The following PRIM2 variants were observed in gnomAD, a reference collection of about 807,000 sequenced individuals.
The protein encoded by PRIM2 is DNA primase subunit 2.
PRIM2 carries 39 observed loss-of-function variants against 67.3 expected under a neutral mutation model. That is an observed-to-expected ratio of 0.58 (90% CI 0.45 to 0.76). PRIM2 has a LOEUF of 0.76. PRIM2 is among the 30% of genes least tolerant of loss of function. The probability of loss-of-function intolerance (pLI) is 0.00; values close to 1 mark genes in which losing one functional copy is unlikely to be tolerated. For synonymous variants in PRIM2, 143 were observed against 198.7 expected, an observed-to-expected ratio of 0.72 and a Z score of 2.36; for missense variants, 398 against 598.7, an observed-to-expected ratio of 0.66 and a Z score of 3.50.
chr6:57,628,492 T>A (rs1388593698), intron 12 of PRIM2, among the ~76,000 whole-genome samples: 1 of 152,240 alleles, frequency 6.6e-6, no homozygotes, highest in Non-Finnish European at 1.5e-5. Flanking sequence ...AATACGTTTT[T>A]AAAAATTTTT....
At chr6:57,600,358 AT>A (rs2127491249) in intron 10 of PRIM2, among the ~76,000 whole-genome samples, 1 of 150,544 alleles carries the variant, frequency 6.6e-6, no homozygotes, top group African/African-American at 2.4e-5. Flanking sequence ...TATTATTATT[AT>A]TATTATTATT....
chr6:57,234,147 G>A, the PRIM2 span, among the ~76,000 whole-genome samples: 3 of 152,306 alleles, frequency 2.0e-5, no homozygotes, highest in South Asian at 6.2e-4. Flanking sequence ...AGGCAGGAAT[G>A]GAGGTAAGGG....
the PRIM2 span, among the ~76,000 whole-genome samples, chr6:57,223,570 G>A: frequency 6.6e-6 from 1 of 152,218 alleles, no homozygotes; most frequent in South Asian, 2.1e-4. Flanking sequence ...TTATCTCTAG[G>A]ATTTGGTTGG....
At chr6:57,554,668 T>G (rs1255281307) in intron 10 of PRIM2, among the ~76,000 whole-genome samples, 1 of 152,246 alleles carries the variant, frequency 6.6e-6, no homozygotes, top group East Asian at 1.9e-4. Flanking sequence ...TAGGAAAGAA[T>G]GCTCTGCACC....
intron 7 of PRIM2, among the ~76,000 whole-genome samples, chr6:57,428,790 T>C (rs2127377543): frequency 6.6e-6 from 1 of 152,338 alleles, no homozygotes; most frequent in East Asian, 1.9e-4. Flanking sequence ...AGAGTTTCAA[T>C]TGTACCTCCC....
chr6:57,446,784 G>C (rs1772381906), intron 7 of PRIM2, among the ~76,000 whole-genome samples: 1 of 152,110 alleles, frequency 6.6e-6, no homozygotes, highest in Non-Finnish European at 1.5e-5. Context: ...GAGTCAGCTG[G>C]CCATCTCCAT....
rs1476110549 is a variant in PRIM2 at position 57,372,358 on chromosome 6, C to G, written c.460-7543C>G. Among the ~76,000 whole-genome samples, 3 of 152,278 alleles carry G rather than the reference C, an allele frequency of 2.0e-5. No homozygotes were observed. In the East Asian group the frequency reaches 5.8e-4, roughly 29 times the overall value. On this transcript the variant is annotated intron_variant, in intron 5 of 13. Coordinates refer to ENST00000615550, the MANE Select transcript of PRIM2 (RefSeq NM_000947.5). ...TTGGAAATCCAGTTTGGTTTCTACT[C>G]ATATTAATTAGCTATAAAACTAGGA... is the stretch of plus-strand genomic sequence containing the variant.
intron 10 of PRIM2, among the ~76,000 whole-genome samples, chr6:57,598,970 G>A (rs1404349158): frequency 2.2e-5 from 1 of 46,300 alleles, no homozygotes; most frequent in East Asian, 5.9e-4. Context: ...TTTTTGAGAC[G>A]GAGTCTCGCT....
the PRIM2 span, among the ~76,000 whole-genome samples, chr6:57,273,473 T>C: frequency 3.3e-5 from 5 of 152,260 alleles, no homozygotes; most frequent in African/African-American, 9.6e-5. Flanking sequence ...GGTTTTCAGC[T>C]CCATCACATC....
the PRIM2 span, among the ~76,000 whole-genome samples, chr6:57,288,688 C>A: frequency 3.9e-5 from 6 of 152,150 alleles, no homozygotes; most frequent in Non-Finnish European, 7.3e-5. Flanking sequence ...CAGAAAACTC[C>A]AACAGACCTG....
At chr6:57,626,507 C>G (rs1360769948) in intron 12 of PRIM2, among the ~76,000 whole-genome samples, 3 of 151,204 alleles carry the variant, frequency 2.0e-5, no homozygotes, top group African/African-American at 7.3e-5. Flanking sequence ...TACTAGAATT[C>G]TCTTACAGAA....
chr6:57,299,697 C>T, the PRIM2 span, among the ~76,000 whole-genome samples: 9 of 152,142 alleles, frequency 5.9e-5, no homozygotes, highest in African/African-American at 1.4e-4. Context: ...GACAGATGAG[C>T]CAGCATATTC....
At chr6:57,485,332 C>T (rs1456610362) in intron 7 of PRIM2, among the ~76,000 whole-genome samples, 1 of 152,142 alleles carries the variant, frequency 6.6e-6, no homozygotes, top group Admixed American at 6.5e-5. Flanking sequence ...TTCCTTAGAT[C>T]CTGTAAGCTG....
intron 10 of PRIM2, among the ~76,000 whole-genome samples, chr6:57,585,518 G>A (rs1776173127): frequency 6.6e-6 from 1 of 152,156 alleles, no homozygotes; most frequent in African/African-American, 2.4e-5. Context: ...CTTAAGGAGT[G>A]GGGAGATTGT....
intron 10 of PRIM2, among the ~76,000 whole-genome samples, chr6:57,575,409 A>G (rs1405104965): frequency 6.6e-6 from 1 of 152,188 alleles, no homozygotes; most frequent in Non-Finnish European, 1.5e-5. Context: ...CATTGCGACA[A>G]GCTATTCTGT....
At chr6:57,598,912 G>A (rs1776415260) in intron 10 of PRIM2, among the ~76,000 whole-genome samples, 1 of 78,214 alleles carries the variant, frequency 1.3e-5, no homozygotes, top group African/African-American at 7.1e-5. Flanking sequence ...GGTATATGAA[G>A]TAGGGCACAG....
chr6:57,273,531 A>C, the PRIM2 span, among the ~76,000 whole-genome samples: 1 of 151,756 alleles, frequency 6.6e-6, no homozygotes, highest in Non-Finnish European at 1.5e-5. Flanking sequence ...CATTCGTATA[A>C]TTTTTTTTCA....
intron 5 of PRIM2, among the ~76,000 whole-genome samples, chr6:57,330,358 TTTG>T (rs778665697): frequency 0.11 from 12,808 of 121,058 alleles, 761 homozygotes; most frequent in African/African-American, 0.14. Flanking sequence ...GTTTTTTTTT[TTTG>T]TTTTTGTTTT....
At chr6:57,470,079 A>G (rs1447966693) in intron 7 of PRIM2, among the ~76,000 whole-genome samples, 6 of 152,312 alleles carry the variant, frequency 3.9e-5, no homozygotes, top group East Asian at 3.9e-4. Context: ...CTTAAGAAAC[A>G]TAGATTATCG....
Sources: gnomAD v4.1 joint callset for allele counts (sites outside exome capture counted in the v4.1 genomes callset) on GRCh38, gnomAD v4.1.1 for gene constraint, MANE v1.5 for transcripts, NCBI Gene and HGNC (gene_info 2026-07-23, HGNC 2026-07-21) for gene names.